RALGAPA1: variants seen among roughly 807,000 people sequenced by gnomAD.
The protein encoded by RALGAPA1 is ral GTPase-activating protein subunit alpha-1.
In RALGAPA1, 52 loss-of-function variants were observed where a neutral mutation model predicts 269.6. The observed-to-expected ratio is 0.19, with a 90% confidence interval of 0.15 to 0.24. The LOEUF (loss-of-function observed/expected upper bound fraction) is 0.24, where lower values mean the gene tolerates loss of function less well. Among genes scored for constraint, RALGAPA1 ranks in the 10% least tolerant of loss-of-function variants. The pLI is 1.00. For missense variants in RALGAPA1, 1,917 were observed against 3,013.9 expected, an observed-to-expected ratio of 0.64 and a Z score of 8.52; for synonymous variants, 817 against 1,008.3, an observed-to-expected ratio of 0.81 and a Z score of 3.60.
rs777674990 is a variant in RALGAPA1 at position 35,721,768 on chromosome 14, G to A, written c.2186C>T (p.Pro729Leu). Reference protein sequence around the residue: ...GWSRDQPGQAPMRQRSATTTG... With the variant: ...GWSRDQPGQALMRQRSATTTG... ...GGTTGTTGCACTCCTCTGTCTCATT[G>A]GGGCTTGGCCAGGCTGATCACGACT... is the stretch of plus-strand genomic sequence containing the variant. The change falls in exon 16 of 42, where the codon CCA (proline) becomes CTA (leucine). Residue 729 changes from proline (P) to leucine (L), a missense_variant. Around this residue, in one of 11 missense-constraint regions of RALGAPA1, gnomAD observed 125 missense variants for 155.7 expected, o/e 0.80. Transcript: ENST00000680220. 2 of 1,612,740 alleles carry A rather than the reference G, an allele frequency of 1.2e-6. No homozygotes were observed. Among genetic ancestry groups the A allele is most frequent in the Non-Finnish European group, 1.7e-6 (2 of 1,178,970 alleles).
At position 35,765,079 on chromosome 14, in the gene RALGAPA1, G is replaced by A. The variant is rs137987743; in HGVS notation, c.326-2326C>T. Among the ~76,000 whole-genome samples, 37 of 152,056 alleles carry A rather than the reference G, an allele frequency of 2.4e-4. 1 individual carries two copies. The highest frequency in any genetic ancestry group is 7.9e-4 in the Admixed American group (12 of 15,262). ...GGAAAACCAAGTGTAGTACTATTTCGGGATTTATGATGTTCAAATGAACTA... is the reference window on the plus strand; with the variant it reads ...GGAAAACCAAGTGTAGTACTATTTCAGGATTTATGATGTTCAAATGAACTA... On this transcript the variant is annotated intron_variant, in intron 4 of 41. Transcript: ENST00000680220.
intron 12 of RALGAPA1, among the ~76,000 whole-genome samples, chr14:35,737,743 C>G (rs1374051225): frequency 6.9e-4 from 32 of 46,444 alleles, no homozygotes; most frequent in South Asian, 1.4e-3. Context: ...TGGGCAACAA[C>G]AGTGAAAATC....
At position 35,539,647 on chromosome 14, in the gene RALGAPA1, C is replaced by T. The variant is rs759942457; in HGVS notation, c.*67G>A. 3.1e-6 allele frequency: 5 copies of T among 1,613,994 alleles called. No homozygotes were observed. The highest frequency in any genetic ancestry group is 1.1e-5 in the South Asian group (1 of 91,080). Reference sequence around the variant, plus strand: ...AGGCCAGGTCAGCCCCATCTACCTGCGTTGCTGTGGGAGTTTCACTGGGTA... The same window carrying T: ...AGGCCAGGTCAGCCCCATCTACCTGTGTTGCTGTGGGAGTTTCACTGGGTA... On this transcript the variant is annotated 3_prime_UTR_variant, in exon 42 of 42. Transcript: ENST00000680220.
chr14:35,645,211 T>C (rs1566908439), intron 31 of RALGAPA1, among the ~76,000 whole-genome samples: 1 of 152,148 alleles, frequency 6.6e-6, no homozygotes, highest in Non-Finnish European at 1.5e-5. Flanking sequence ...ATCCCATTGA[T>C]GAGGGCTTCA....
At chr14:35,551,809 A>G (rs779829754) in intron 39 of RALGAPA1, among the ~76,000 whole-genome samples, 3 of 152,150 alleles carry the variant, frequency 2.0e-5, no homozygotes, top group Non-Finnish European at 4.4e-5. Flanking sequence ...TTATCCAGAT[A>G]TAACATACTC....
At chr14:35,805,458 GA>G (rs1369094508) in intron 1 of RALGAPA1, among the ~76,000 whole-genome samples, 9 of 140,460 alleles carry the variant, frequency 6.4e-5, no homozygotes, top group Admixed American at 5.0e-4. Context: ...AAAAAAAAAA[GA>G]AATCAAACAT....
At chr14:35,726,858 G>C (rs899798845) in intron 13 of RALGAPA1, among the ~76,000 whole-genome samples, 1 of 152,056 alleles carries the variant, frequency 6.6e-6, no homozygotes, top group Non-Finnish European at 1.5e-5. Context: ...CAGAAAAACC[G>C]TAGTTCAAAT....
rs766354148 is a variant in RALGAPA1 at position 35,760,840 on chromosome 14, T to C, written c.536A>G (p.Asn179Ser). The change falls in exon 6 of 42, where the codon AAC (asparagine) becomes AGC (serine). Residue 179 changes from asparagine to serine, a missense_variant. This residue lies in a region of RALGAPA1 where 462 missense variants were observed against 725.6 expected (regional missense o/e 0.64). Transcript: ENST00000680220. ...CCCATGAATCTTACTTTCTTGAAGG[T>C]TGAGTGGAGGATTAATGAGATTATC... ...TLDNLINPPLNLQETQVTIEE... is the reference protein window; with the variant it reads ...TLDNLINPPLSLQETQVTIEE... The C allele has an allele frequency of 1.2e-5, 19 of 1,610,320 alleles. No homozygotes were observed. The highest frequency in any genetic ancestry group is 8.4e-5 in the Admixed American group (5 of 59,842).
At chr14:35,656,447 C>T (rs932134237) in intron 28 of RALGAPA1, among the ~76,000 whole-genome samples, 1 of 152,178 alleles carries the variant, frequency 6.6e-6, no homozygotes, top group East Asian at 1.9e-4. Context: ...TCCTGTTCCC[C>T]AATGTATTGC....
chr14:35,650,433 T>C (rs1370795782), intron 31 of RALGAPA1, among the ~76,000 whole-genome samples: 3 of 151,980 alleles, frequency 2.0e-5, no homozygotes, highest in Admixed American at 6.6e-5. Flanking sequence ...AAATGAAGTA[T>C]ATGTCTCTTT....
chr14:35,762,313 C>T (rs999474881), intron 5 of RALGAPA1, among the ~76,000 whole-genome samples: 5 of 151,858 alleles, frequency 3.3e-5, no homozygotes, highest in Non-Finnish European at 4.4e-5. Flanking sequence ...TGGAGTGCAT[C>T]GGCTTGATCT....
intron 4 of RALGAPA1, among the ~76,000 whole-genome samples, chr14:35,770,612 T>C (rs1217675751): frequency 2.0e-5 from 3 of 152,342 alleles, no homozygotes; most frequent in Admixed American, 6.5e-5. Context: ...ACTTTGCATT[T>C]TTCTTCCATC....
chr14:35,597,961 G>A (rs2059025738), intron 36 of RALGAPA1, among the ~76,000 whole-genome samples: 1 of 152,144 alleles, frequency 6.6e-6, no homozygotes, highest in African/African-American at 2.4e-5. Flanking sequence ...CTTGGTATAT[G>A]TTCTGTGGGA....
At chr14:35,570,558 T>C (rs960124462) in intron 39 of RALGAPA1, 59 bp downstream of exon 39, 1 of 1,362,248 alleles carries the variant, frequency 7.3e-7, no homozygotes. Flanking sequence ...ATAAGAAATA[T>C]TTACCTTTGT....
chr14:35,594,870 T>TCCTTG, intron 37 of RALGAPA1, among the ~76,000 whole-genome samples: 1 of 152,100 alleles, frequency 6.6e-6, no homozygotes, highest in African/African-American at 2.4e-5. Context: ...ACTGCAGTAT[T>TCCTTG]ATTCACAATA....
rs200608108 is a variant in RALGAPA1 at position 35,627,327 on chromosome 14, A to G, written c.6620T>C (p.Ile2207Thr). Residue 2207 changes from isoleucine to threonine, a missense_variant, in exon 34 of 42, where the codon ATC becomes ACC. By Grantham distance (89) the Ile-to-Thr change is moderately conservative. Coordinates refer to ENST00000680220, the MANE Select transcript of RALGAPA1 (RefSeq NM_001346249.2). ...TSPECLQRTG[I>T]SLNIPAPQPV... Reference sequence around the variant, plus strand: ...TTGTGGAGCAGGAATATTAAGTGAGATTCCAGTTCTCTGTAAGCATTCAGG... The same window carrying G: ...TTGTGGAGCAGGAATATTAAGTGAGGTTCCAGTTCTCTGTAAGCATTCAGG... The G allele has an allele frequency of 3.5e-4, 567 of 1,608,990 alleles. 7 individuals carry two copies. In the South Asian group the frequency reaches 3.9e-3, roughly 11 times the overall value.
At chr14:35,637,457 G>A (rs2061733898) in intron 31 of RALGAPA1, among the ~76,000 whole-genome samples, 1 of 152,070 alleles carries the variant, frequency 6.6e-6, no homozygotes, top group Non-Finnish European at 1.5e-5. Flanking sequence ...TCTTTTAATG[G>A]CAGAACGGAT....
intron 5 of RALGAPA1, 24 bp downstream of exon 5, chr14:35,762,686 C>A: frequency 1.4e-6 from 2 of 1,410,996 alleles, no homozygotes; most frequent in South Asian, 2.3e-5. Context: ...TTTTTAAAGT[C>A]ATGGAAAGTA....
chr14:35,613,209 G>A (rs1238262379), intron 35 of RALGAPA1, among the ~76,000 whole-genome samples: 1 of 151,790 alleles, frequency 6.6e-6, no homozygotes, highest in Non-Finnish European at 1.5e-5. Context: ...AGCCTCCTGA[G>A]TAACAGGGAT....
Sources: gnomAD v4.1 joint callset for allele counts (sites outside exome capture counted in the v4.1 genomes callset) on GRCh38, gnomAD v4.1.1 for gene constraint, gnomAD v4.1.1 regional missense constraint, MANE v1.5 for transcripts, NCBI Gene and HGNC (gene_info 2026-07-23, HGNC 2026-07-21) for gene names.